MAPK10: variants seen among roughly 807,000 people sequenced by gnomAD.
MAPK10 encodes the protein JNK3 alpha protein kinase.
A neutral mutation model predicts 59.3 loss-of-function variants in MAPK10; 25 were observed. The ratio of observed to expected loss-of-function variants is 0.42; its 90% CI spans 0.31 to 0.59. MAPK10 has a LOEUF of 0.59. MAPK10 is among the 20% of genes least tolerant of loss of function. MAPK10 has a pLI of 0.15. For synonymous variants in MAPK10, 190 were observed against 200.5 expected (o/e 0.95, Z 0.44); for missense variants, 351 against 568.9 (o/e 0.62, Z 3.90).
chr4:86,145,539 T>C (rs1331512115), intron 4 of MAPK10, among the ~76,000 whole-genome samples: 3 of 152,174 alleles, frequency 2.0e-5, no homozygotes, highest in Non-Finnish European at 4.4e-5. Context: ...ATATGTACCA[T>C]CCTGCTTCCT....
chr4:86,186,429 A>G (rs547756856), intron 3 of MAPK10, among the ~76,000 whole-genome samples: 1 of 152,176 alleles, frequency 6.6e-6, no homozygotes, highest in African/African-American at 2.4e-5. Flanking sequence ...TCTCATAGAA[A>G]ATCTATGCTC....
intron 4 of MAPK10, among the ~76,000 whole-genome samples, chr4:86,153,841 C>T (rs192121350): frequency 1.3e-5 from 2 of 152,140 alleles, no homozygotes; most frequent in African/African-American, 4.8e-5. Flanking sequence ...CTTAAACCTG[C>T]TACATATATA....
chr4:86,159,612 G>A, intron 3 of MAPK10, 145 bp from the exon 4 acceptor site: 1 of 625,320 alleles, frequency 1.6e-6, no homozygotes, highest in Non-Finnish European at 2.7e-6. Context: ...AAAAAAATAT[G>A]TATCAGTCCA....
chr4:86,038,695 T>A (rs948239408), intron 11 of MAPK10, among the ~76,000 whole-genome samples: 3 of 152,176 alleles, frequency 2.0e-5, no homozygotes, highest in Non-Finnish European at 4.4e-5. Context: ...TGGCACAGTT[T>A]AGCATGTCCA....
intron 3 of MAPK10, among the ~76,000 whole-genome samples, chr4:86,169,220 C>T (rs915716187): frequency 6.6e-6 from 1 of 152,230 alleles, no homozygotes; most frequent in Non-Finnish European, 1.5e-5. Context: ...CAGAGAATGA[C>T]TTTGACGAGT....
At chr4:86,021,436 A>G (rs1342379815) in intron 13 of MAPK10, among the ~76,000 whole-genome samples, 2 of 152,190 alleles carry the variant, frequency 1.3e-5, no homozygotes, top group East Asian at 1.9e-4. Context: ...TGGTGCACTC[A>G]CAAACCTTGA....
At chr4:86,261,601 G>A (rs1328115129) in intron 2 of MAPK10, among the ~76,000 whole-genome samples, 1 of 152,162 alleles carries the variant, frequency 6.6e-6, no homozygotes, top group Non-Finnish European at 1.5e-5. Context: ...AGGATTGCTT[G>A]GGGTAAAAAT....
At chr4:86,409,558 G>C (rs943270720) in intron 1 of MAPK10, among the ~76,000 whole-genome samples, 1 of 152,118 alleles carries the variant, frequency 6.6e-6, no homozygotes, top group African/African-American at 2.4e-5. Context: ...CCACTTGTTT[G>C]TGTCCTCTTT....
chr4:86,424,821 T>C (rs1054056127), intron 1 of MAPK10, among the ~76,000 whole-genome samples: 3 of 152,132 alleles, frequency 2.0e-5, no homozygotes, highest in Non-Finnish European at 1.5e-5. Flanking sequence ...TAATTTGATA[T>C]GAAGACAAAC....
At chr4:86,476,323 GC>G (rs1371042671) in intron 1 of MAPK10, among the ~76,000 whole-genome samples, 2 of 152,132 alleles carry the variant, frequency 1.3e-5, no homozygotes, top group Non-Finnish European at 2.9e-5. Context: ...ACCCAGTCCA[GC>G]TTACAGTTTC....
At chr4:86,411,207 G>T (rs576585282) in intron 1 of MAPK10, among the ~76,000 whole-genome samples, 22 of 152,210 alleles carry the variant, frequency 1.4e-4, no homozygotes, top group African/African-American at 3.4e-4. Flanking sequence ...GTAGTTGTGT[G>T]GTTTTGAGTG....
chr4:86,500,957 T>C (rs949222993), intron 1 of MAPK10, among the ~76,000 whole-genome samples: 2 of 152,012 alleles, frequency 1.3e-5, no homozygotes, highest in African/African-American at 4.8e-5. Flanking sequence ...TTTTCTCTGA[T>C]AAGTATTTGA....
At chr4:86,147,891 G>A (rs923670545) in intron 4 of MAPK10, among the ~76,000 whole-genome samples, 21 of 152,302 alleles carry the variant, frequency 1.4e-4, no homozygotes, top group African/African-American at 4.8e-4. Context: ...TACAGGTGAT[G>A]CTAGCCTCCG....
At chr4:86,132,756 G>T (rs1278358543) in intron 4 of MAPK10, among the ~76,000 whole-genome samples, 2 of 152,134 alleles carry the variant, frequency 1.3e-5, no homozygotes, top group South Asian at 4.1e-4. Context: ...CGCATATGAG[G>T]GATCTAGGTT....
At chr4:86,042,382 A>C (rs1234802161) in intron 11 of MAPK10, among the ~76,000 whole-genome samples, 1 of 152,146 alleles carries the variant, frequency 6.6e-6, no homozygotes, top group African/African-American at 2.4e-5. Context: ...TGCTGGGCTT[A>C]AAACCTAGAA....
intron 9 of MAPK10, among the ~76,000 whole-genome samples, chr4:86,078,473 T>G (rs1156606495): frequency 6.6e-6 from 1 of 152,086 alleles, no homozygotes; most frequent in Non-Finnish European, 1.5e-5. Context: ...GAACTGAAAT[T>G]GTATGCTGCT....
intron 1 of MAPK10, among the ~76,000 whole-genome samples, chr4:86,477,633 G>A (rs2149069059): frequency 6.6e-6 from 1 of 152,254 alleles, no homozygotes; most frequent in South Asian, 2.1e-4. Context: ...GCCTGTTACA[G>A]CATGGCCTTT....
At chr4:86,349,126 C>T (rs536406452) in intron 2 of MAPK10, among the ~76,000 whole-genome samples, 118 of 152,258 alleles carry the variant, frequency 7.7e-4, no homozygotes, top group African/African-American at 2.6e-3. Flanking sequence ...CATCAAAAAA[C>T]AATGCTGTTA....
chr4:86,258,300 T>G lies in MAPK10; in HGVS notation c.-6-63893A>C, dbSNP rs184908479. Among the ~76,000 whole-genome samples the G allele has an allele frequency of 3.6e-3, 549 of 152,228 alleles. 8 individuals are homozygous for G. The highest frequency in any genetic ancestry group is 0.022 in the Admixed American group (337 of 15,296). On this transcript the variant is annotated intron_variant, in intron 2 of 13. Coordinates refer to ENST00000641462, the MANE Select transcript of MAPK10 (RefSeq NM_138982.4). The stretch of plus-strand genomic sequence containing the variant: ...AACTAACTCAACCTTTCCTTACTCA[T>G]TTTTTTCCAAGTGGAGGAGCTCGTT...
Sources: gnomAD v4.1 joint callset for allele counts (sites outside exome capture counted in the v4.1 genomes callset) on GRCh38, gnomAD v4.1.1 for gene constraint, MANE v1.5 for transcripts, NCBI Gene and HGNC (gene_info 2026-07-23, HGNC 2026-07-21) for gene names.